Variants in UNC5D observed in about 807,000 individuals in gnomAD.
UNC5D encodes the protein unc-5 netrin receptor D, also known as netrin receptor UNC5D.
In UNC5D, 39 loss-of-function variants were observed where a neutral mutation model predicts 105.4. The observed-to-expected ratio is 0.37, with a 90% CI of 0.29 to 0.48. UNC5D has a LOEUF of 0.48. UNC5D is among the 20% of genes least tolerant of loss of function. The pLI is 0.98. For missense variants in UNC5D, 991 were observed against 1,202.4 expected, an observed-to-expected ratio of 0.82 and a Z score of 2.60; for synonymous variants, 452 against 450.4, an observed-to-expected ratio of 1.00 and a Z score of -0.04.
At chr8:35,352,004 T>TA (rs1260334311) in intron 1 of UNC5D, among the ~76,000 whole-genome samples, 1 of 152,090 alleles carries the variant, frequency 6.6e-6, no homozygotes, top group Non-Finnish European at 1.5e-5. Context: ...TTTCAATTTT[T>TA]AAAAAACGTT....
intron 1 of UNC5D, among the ~76,000 whole-genome samples, chr8:35,490,646 A>C (rs1238611602): frequency 6.6e-6 from 1 of 152,198 alleles, no homozygotes; most frequent in Non-Finnish European, 1.5e-5. Flanking sequence ...ATATTTAAGC[A>C]TACTATGTAA....
At chr8:35,316,900 G>A (rs891764150) in intron 1 of UNC5D, among the ~76,000 whole-genome samples, 1 of 152,024 alleles carries the variant, frequency 6.6e-6, no homozygotes, top group African/African-American at 2.4e-5. Flanking sequence ...TTTAATCGTC[G>A]AAAGCAACCA....
intron 8 of UNC5D, among the ~76,000 whole-genome samples, chr8:35,712,054 C>T (rs752637071): frequency 4.0e-4 from 61 of 152,284 alleles, no homozygotes; most frequent in Admixed American, 7.2e-4. Context: ...GGGTGGATCA[C>T]AAGGTCAGGA....
rs78483608 is a variant in UNC5D, at chr8:35,495,969, C to T, written c.104-53323C>T. Among the ~76,000 whole-genome samples, 1,381 of 152,224 alleles carry T rather than the reference C, an allele frequency of 9.1e-3. 16 individuals are homozygous for T. Among genetic ancestry groups the T allele is most frequent in the African/African-American group, 0.031 (1,289 of 41,526 alleles). Reference sequence around the variant, plus strand: ...TATTCCCTTCTTTCAGGCAACTTTACGTGGTGGCAAAAGGGGAAGATATTA... The same window carrying T: ...TATTCCCTTCTTTCAGGCAACTTTATGTGGTGGCAAAAGGGGAAGATATTA... On this transcript the variant is annotated intron_variant, in intron 1 of 16. Transcript: ENST00000404895.
chr8:35,695,692 G>A (rs1438391442), intron 7 of UNC5D, among the ~76,000 whole-genome samples: 2 of 150,832 alleles, frequency 1.3e-5, no homozygotes, highest in Non-Finnish European at 2.9e-5. Flanking sequence ...TGACAACCTG[G>A]CCAGAAAGTA....
chr8:35,631,034 C>A (rs567983657), intron 4 of UNC5D, among the ~76,000 whole-genome samples: 3 of 152,168 alleles, frequency 2.0e-5, no homozygotes, highest in African/African-American at 7.2e-5. Context: ...TGGCCTGGGC[C>A]GGGCACAGTG....
chr8:35,641,397 A>AAAAAAAAAAGAAAAAAAAAAC (rs1822730661), intron 4 of UNC5D, among the ~76,000 whole-genome samples: 4 of 150,942 alleles, frequency 2.7e-5, no homozygotes, highest in African/African-American at 9.7e-5. Context: ...AAAAAAAAAA[A>AAAAAAAAAAGAAAAAAAAAAC]CAGCATCTAC....
intron 2 of UNC5D, among the ~76,000 whole-genome samples, chr8:35,567,121 T>C (rs1247884944): frequency 6.6e-6 from 1 of 151,910 alleles, no homozygotes; most frequent in Admixed American, 6.6e-5. Flanking sequence ...AATAGCTGCA[T>C]CTCAGTTCAC....
chr8:35,621,653 A>G (rs984290868), intron 4 of UNC5D, among the ~76,000 whole-genome samples: 1 of 152,168 alleles, frequency 6.6e-6, no homozygotes, highest in African/African-American at 2.4e-5. Context: ...ATGAAAATAA[A>G]AAAGATTGCA....
intron 11 of UNC5D, among the ~76,000 whole-genome samples, chr8:35,740,569 C>G (rs1426103323): frequency 6.6e-6 from 1 of 152,192 alleles, no homozygotes; most frequent in Non-Finnish European, 1.5e-5. Context: ...ATACAAGCCT[C>G]TATTTTGACC....
At chr8:35,445,793 G>A (rs530296798) in intron 1 of UNC5D, among the ~76,000 whole-genome samples, 2 of 151,924 alleles carry the variant, frequency 1.3e-5, no homozygotes, top group African/African-American at 4.8e-5. Flanking sequence ...GAAATGCACA[G>A]CTTTCAATTC....
chr8:35,638,344 C>T (rs1396835089), intron 4 of UNC5D, among the ~76,000 whole-genome samples: 1 of 152,138 alleles, frequency 6.6e-6, no homozygotes, highest in African/African-American at 2.4e-5. Flanking sequence ...TGAATGAGAA[C>T]TTAATGCCTA....
intron 1 of UNC5D, among the ~76,000 whole-genome samples, chr8:35,444,275 G>T (rs571553816): frequency 2.1e-4 from 32 of 152,102 alleles, no homozygotes; most frequent in African/African-American, 7.7e-4. Flanking sequence ...TTACTGAACC[G>T]AGTGATAAGC....
At chr8:35,607,849 C>G (rs557412294) in intron 4 of UNC5D, among the ~76,000 whole-genome samples, 65 of 151,678 alleles carry the variant, frequency 4.3e-4, no homozygotes, top group African/African-American at 1.3e-3. Flanking sequence ...AACCCTAACC[C>G]TAACCCCTAA....
chr8:35,580,099 G>C (rs1818377073), intron 3 of UNC5D, among the ~76,000 whole-genome samples: 1 of 152,144 alleles, frequency 6.6e-6, no homozygotes, highest in Non-Finnish European at 1.5e-5. Context: ...TAGGTTTCTG[G>C]CTCAAATTAT....
chr8:35,328,775 T>C (rs950748709), intron 1 of UNC5D, among the ~76,000 whole-genome samples: 9 of 152,188 alleles, frequency 5.9e-5, no homozygotes, highest in African/African-American at 1.7e-4. Context: ...AGGAGCTGCA[T>C]TTACTCTTGG....
intron 8 of UNC5D, among the ~76,000 whole-genome samples, chr8:35,714,712 G>A (rs1022614655): frequency 2.0e-5 from 3 of 152,234 alleles, no homozygotes; most frequent in African/African-American, 7.2e-5. Context: ...TGGTATAGTT[G>A]ATGCAGTTGC....
chr8:35,443,547 A>G (rs1807573604), intron 1 of UNC5D, among the ~76,000 whole-genome samples: 1 of 151,886 alleles, frequency 6.6e-6, no homozygotes, highest in Non-Finnish European at 1.5e-5. Flanking sequence ...TGATCTGCAA[A>G]AGAAAGCTGA....
chr8:35,539,479 T>C (rs914941177), intron 1 of UNC5D, among the ~76,000 whole-genome samples: 4 of 152,210 alleles, frequency 2.6e-5, no homozygotes, highest in African/African-American at 9.6e-5. Context: ...GTCAATTTAA[T>C]ATTTCATGTT....
Sources: allele counts gnomAD v4.1 joint callset (sites outside exome capture counted in the v4.1 genomes callset), GRCh38; gene constraint gnomAD v4.1.1; transcripts MANE v1.5; gene names NCBI Gene and HGNC (gene_info 2026-07-23, HGNC 2026-07-21).